TCL1A: variants seen among roughly 807,000 people sequenced by gnomAD.
TCL1A encodes the protein T-cell leukemia/lymphoma protein 1A.
In TCL1A, 9 loss-of-function variants were observed where a neutral mutation model predicts 16.9. The observed-to-expected ratio is 0.53, with a 90% CI of 0.32 to 0.93. The LOEUF is 0.93. Among genes scored for constraint, TCL1A ranks in the 40% least tolerant of loss-of-function variants. The pLI is 0.04. For synonymous variants in TCL1A, 69 were observed against 63.2 expected, an observed-to-expected ratio of 1.09 and a Z score of -0.44; for missense variants, 139 against 153.0, an observed-to-expected ratio of 0.91 and a Z score of 0.48.
chr14:95,713,886 C>A, intron 1 of TCL1A, 61 bp downstream of exon 1: 1 of 1,599,494 alleles, frequency 6.3e-7, no homozygotes, highest in Non-Finnish European at 8.5e-7. Context: ...CTTCCTAGGG[C>A]ATCCCAAGCT....
rs893857821 is a variant in TCL1A at position 95,710,449 on chromosome 14, G to C, written c.*439C>G. The stretch of plus-strand genomic sequence containing the variant: ...TTTACATGCAGGCGTAGCACCATGT[G>C]AGACCACTGGTCCAGGGTTTCAGAG... On this transcript the variant is annotated 3_prime_UTR_variant, in exon 4 of 4. Transcript: ENST00000402399. 2 of 151,230 alleles carry C rather than the reference G, an allele frequency of 1.3e-5. No homozygotes were observed. Among genetic ancestry groups the C allele is most frequent in the Non-Finnish European group, 2.9e-5 (2 of 68,398 alleles). The allele number at this position is 151,230 out of a possible 1,614,324, so 9.4% of individuals were successfully genotyped here.
At chr14:95,713,104 GGTT>G (rs1279819688) in intron 1 of TCL1A, among the ~76,000 whole-genome samples, 1 of 152,150 alleles carries the variant, frequency 6.6e-6, no homozygotes, top group Non-Finnish European at 1.5e-5. Flanking sequence ...ATTTTGTGGT[GGTT>G]AAGAGCCTAG....
intron 3 of TCL1A, 75 bp from the exon 4 acceptor site, chr14:95,710,956 G>A (rs956144717): frequency 6.6e-6 from 1 of 152,658 alleles, no homozygotes; most frequent in African/African-American, 2.4e-5. Context: ...GGTGCTGCTG[G>A]AGCAGGTCTA....
Position 95,714,008 on chromosome 14 carries a change from GC to G in TCL1A, c.58del (p.Ala20ProfsTer18). 6.2e-7 allele frequency: 1 copy of G among 1,614,086 alleles called. No homozygotes were observed. Among genetic ancestry groups the G allele is most frequent in the Non-Finnish European group, 8.5e-7 (1 of 1,180,024 alleles). ...GTCCAAATACACGAACTTCTCCCAG[GC>G]CCACAGGCGGTCCGGGTGGTCGGTG... ...AVTDHPDRLW[A>X]WEKFVYLDEK... On this transcript the variant is annotated frameshift_variant, in exon 1 of 4. Coordinates refer to ENST00000402399, the MANE Select transcript of TCL1A (RefSeq NM_021966.3). LOFTEE classifies it high-confidence loss of function.
intron 1 of TCL1A, among the ~76,000 whole-genome samples, 181 bp downstream of exon 1, chr14:95,713,766 C>T (rs546471182): frequency 6.6e-6 from 1 of 152,324 alleles, no homozygotes; most frequent in Non-Finnish European, 1.5e-5. Flanking sequence ...TTTTCCCACC[C>T]TTCTTCCCTG....
In TCL1A at chr14:95,714,123, G is replaced by C. The variant is rs1886501326; in HGVS notation, c.-57C>G. ...CAGAGCCTCTCAAGGCCGCTCGCTGGTCCCTGGGATGTGGGGCCGACCCTT... is the reference window on the plus strand; with the variant it reads ...CAGAGCCTCTCAAGGCCGCTCGCTGCTCCCTGGGATGTGGGGCCGACCCTT... On this transcript the variant is annotated 5_prime_UTR_variant, in exon 1 of 4. Transcript: ENST00000402399. The C allele has an allele frequency of 7.5e-6, 12 of 1,598,334 alleles. No homozygotes were observed. The highest frequency in any genetic ancestry group is 8.5e-6 in the Non-Finnish European group (10 of 1,174,378).
Position 95,713,850 on chromosome 14 carries a change from T to C in TCL1A, c.120+97A>G, listed in dbSNP as rs565790316. ...ATCTGTGGGGATCCTCCCTGCCCCA[T>C]AGTGAGTGCTCCTTGAGTCCTCGCC... On this transcript the variant is annotated intron_variant, in intron 1 of 3. Coordinates refer to ENST00000402399, the MANE Select transcript of TCL1A (RefSeq NM_021966.3). 218 of 1,551,044 alleles carry C rather than the reference T, an allele frequency of 1.4e-4. 1 individual carries two copies. The highest frequency in any genetic ancestry group is 5.4e-4 in the East Asian group (24 of 44,454).
intron 1 of TCL1A, among the ~76,000 whole-genome samples, chr14:95,713,530 T>C (rs1886441320): frequency 6.6e-6 from 1 of 152,336 alleles, no homozygotes; most frequent in South Asian, 2.1e-4. Context: ...GGCCAGTGTT[T>C]GCTATGCCTG....
intron 1 of TCL1A, among the ~76,000 whole-genome samples, chr14:95,713,669 A>G (rs115762343): frequency 6.6e-6 from 1 of 152,218 alleles, no homozygotes; most frequent in Non-Finnish European, 1.5e-5. Flanking sequence ...TAGGACCCCG[A>G]AGCCCAGAAA....
At position 95,711,282 on chromosome 14, in the gene TCL1A, ACC is replaced by A. The variant is rs1341845853; in HGVS notation, c.*7-403_*7-402del. On this transcript the variant is annotated intron_variant, in intron 3 of 3. Transcript: ENST00000402399. ...AGACCATCCTGGCTAACACGGTGAAACCCCGTCTCTACTAAAAAAAAAAAAAA... is the reference window on the plus strand; with the variant it reads ...AGACCATCCTGGCTAACACGGTGAAACCGTCTCTACTAAAAAAAAAAAAAA... Among the ~76,000 whole-genome samples, 11 of 143,274 alleles carry A rather than the reference ACC, an allele frequency of 7.7e-5. No homozygotes were observed. The Admixed American group carries it at 7.7e-4, about 10-fold the overall frequency. 94.0% of individuals were successfully genotyped at this position (143,274 alleles called of 152,430 possible).
In TCL1A at chr14:95,712,416, A is replaced by T; in HGVS notation, c.121-20T>A. 1.3e-6 allele frequency: 2 copies of T among 1,577,194 alleles called. No homozygotes were observed. Among genetic ancestry groups the T allele is most frequent in the South Asian group, 2.3e-5 (2 of 86,628 alleles). On this transcript the variant is annotated intron_variant, in intron 1 of 3. Coordinates refer to ENST00000402399, the MANE Select transcript of TCL1A (RefSeq NM_021966.3). ...CTTTATCTGAGGAGAAGAAAAGGACAGGGCATACTTTCAGGTTCCGCTTGC... is the reference window on the plus strand; with the variant it reads ...CTTTATCTGAGGAGAAGAAAAGGACTGGGCATACTTTCAGGTTCCGCTTGC...
intron 1 of TCL1A, 126 bp downstream of exon 1, chr14:95,713,821 C>T: frequency 2.1e-6 from 3 of 1,439,208 alleles, no homozygotes; most frequent in Non-Finnish European, 2.8e-6. Context: ...CTCAAAGTGG[C>T]TTCATCTGTG....
chr14:95,713,583 T>A (rs765269462), intron 1 of TCL1A, among the ~76,000 whole-genome samples: 3 of 152,278 alleles, frequency 2.0e-5, no homozygotes, highest in Admixed American at 6.5e-5. Context: ...AAATACAGAT[T>A]TCTGGGACCC....
At chr14:95,711,588 A>C (rs1886355506) in intron 3 of TCL1A, 161 bp downstream of exon 3, 1 of 708,420 alleles carries the variant, frequency 1.4e-6, no homozygotes, top group Admixed American at 2.7e-5. Context: ...CGAAGTGGTA[A>C]GGGAGACATG....
rs1260946530 is a variant in TCL1A, at chr14:95,711,598, G to A, written c.*6+151C>T. ...GCTCCCGAAGTGGTAAGGGAGACAT[G>A]AGTGCCTCCAGGAAGCCTCTCCCAT... On this transcript the variant is annotated intron_variant, in intron 3 of 3. Coordinates refer to ENST00000402399, the MANE Select transcript of TCL1A (RefSeq NM_021966.3). 5.1e-6 allele frequency: 4 copies of A among 782,322 alleles called. No individual in the cohort carries two copies. The South Asian group carries it at 5.5e-5, about 11-fold the overall frequency. 48.5% of individuals were successfully genotyped at this position (782,322 alleles called of 1,614,324 possible).
At chr14:95,711,582 G>T in intron 3 of TCL1A, 167 bp downstream of exon 3, 1 of 666,610 alleles carries the variant, frequency 1.5e-6, no homozygotes, top group Non-Finnish European at 2.5e-6. Flanking sequence ...GGCTCCCGAA[G>T]TGGTAAGGGA....
Position 95,712,293 on chromosome 14 carries a change from A to G in TCL1A, c.224T>C (p.Met75Thr), listed in dbSNP as rs1364183049. ...TCGTCCATCAGGGTAGAGCTGCCAC[A>G]TGATAGGCAGCAGGCTTGGGCCTAT... ...TQIGPSLLPI[M>T]WQLYPDGRYR... is the part of the protein sequence containing the mutation. Residue 75 changes from methionine to threonine, a missense_variant, in exon 2 of 4, where the codon ATG becomes ACG. Around this residue, in one of 2 missense-constraint regions of TCL1A, gnomAD observed 45 missense variants for 72.8 expected, o/e 0.62. Transcript: ENST00000402399. 1 of 1,613,980 alleles carries G rather than the reference A, an allele frequency of 6.2e-7. No homozygotes were observed. Among genetic ancestry groups the G allele is most frequent in the Admixed American group, 1.7e-5 (1 of 60,004 alleles).
chr14:95,712,044 C>T (rs1886370244), intron 2 of TCL1A, 176 bp downstream of exon 2: 1 of 919,524 alleles, frequency 1.1e-6, no homozygotes, highest in African/African-American at 1.6e-5. Flanking sequence ...CTGTTAGAGA[C>T]CTCAGAGGAT....
chr14:95,713,445 T>A (rs1024458501), intron 1 of TCL1A, among the ~76,000 whole-genome samples: 1 of 152,210 alleles, frequency 6.6e-6, no homozygotes, highest in Admixed American at 6.5e-5. Context: ...ATACCGGCGC[T>A]TATACTACGA....
Sources: allele counts gnomAD v4.1 joint callset (sites outside exome capture counted in the v4.1 genomes callset), GRCh38; gene constraint gnomAD v4.1.1; regional missense constraint gnomAD v4.1.1; transcripts MANE v1.5; gene names NCBI Gene and HGNC (gene_info 2026-07-23, HGNC 2026-07-21).